CNTNAP2: variants seen among roughly 807,000 people sequenced by gnomAD.
CNTNAP2 encodes contactin-associated protein-like 2.
Under a neutral mutation model 155.2 loss-of-function variants are expected in CNTNAP2, and 98 were observed. The ratio of observed to expected loss-of-function variants is 0.63; its 90% CI spans 0.54 to 0.75. CNTNAP2 has a LOEUF of 0.75. Among genes scored for constraint, CNTNAP2 ranks in the 30% least tolerant of loss-of-function variants. The pLI, the probability that CNTNAP2 is intolerant of heterozygous loss-of-function variation, is 0.00. For synonymous variants in CNTNAP2, 651 were observed against 631.2 expected, an observed-to-expected ratio of 1.03 and a Z score of -0.47; for missense variants, 1,727 against 1,688.1, an observed-to-expected ratio of 1.02 and a Z score of -0.40.
At chr7:147,453,734 G>T (rs1797873296) in intron 10 of CNTNAP2, among the ~76,000 whole-genome samples, 1 of 152,038 alleles carries the variant, frequency 6.6e-6, no homozygotes, top group African/African-American at 2.4e-5. Flanking sequence ...AAACTCCCAT[G>T]ACACAAGTTT....
At chr7:147,369,884 G>C (rs1009198053) in intron 9 of CNTNAP2, among the ~76,000 whole-genome samples, 1 of 152,130 alleles carries the variant, frequency 6.6e-6, no homozygotes, top group Non-Finnish European at 1.5e-5. Context: ...AATTCATACT[G>C]TCTGTATGAA....
intron 1 of CNTNAP2, among the ~76,000 whole-genome samples, chr7:146,127,157 G>T (rs184868251): frequency 6.6e-6 from 1 of 152,020 alleles, no homozygotes; most frequent in African/African-American, 2.4e-5. Flanking sequence ...ATGCTGTTTC[G>T]AATCATATTT....
chr7:147,695,424 A>G (rs1321369337), intron 13 of CNTNAP2, among the ~76,000 whole-genome samples: 1 of 152,104 alleles, frequency 6.6e-6, no homozygotes, highest in Non-Finnish European at 1.5e-5. Flanking sequence ...TAATTTATGG[A>G]TGAAGGGTAT....
intron 12 of CNTNAP2, among the ~76,000 whole-genome samples, chr7:147,604,383 AAC>A (rs1563017970): frequency 1.3e-5 from 2 of 152,196 alleles, no homozygotes; most frequent in Admixed American, 1.3e-4. Flanking sequence ...ACAAGAAAAA[AAC>A]AGTCTATTGC....
intron 1 of CNTNAP2, among the ~76,000 whole-genome samples, chr7:146,447,911 G>A (rs1048255953): frequency 1.3e-5 from 2 of 151,756 alleles, no homozygotes; most frequent in Non-Finnish European, 2.9e-5. Flanking sequence ...TTGAATTTAC[G>A]TCATACGCAC....
intron 13 of CNTNAP2, among the ~76,000 whole-genome samples, chr7:147,805,456 A>G (rs924515824): frequency 3.3e-5 from 5 of 152,210 alleles, no homozygotes; most frequent in African/African-American, 1.2e-4. Flanking sequence ...GACTTTAAGT[A>G]CCATGTTGAA....
intron 1 of CNTNAP2, among the ~76,000 whole-genome samples, chr7:146,418,241 C>T (rs1194878661): frequency 6.6e-6 from 1 of 152,210 alleles, no homozygotes; most frequent in Non-Finnish European, 1.5e-5. Context: ...CTGGAGTTCT[C>T]TCTAGTTGCT....
At chr7:147,953,296 A>T (rs1053713910) in intron 14 of CNTNAP2, among the ~76,000 whole-genome samples, 2 of 152,200 alleles carry the variant, frequency 1.3e-5, no homozygotes, top group Non-Finnish European at 2.9e-5. Flanking sequence ...GAGTAGTGTG[A>T]ATGATTGAAT....
At chr7:147,834,193 G>A (rs148729594) in intron 13 of CNTNAP2, among the ~76,000 whole-genome samples, 3,740 of 152,196 alleles carry the variant, frequency 0.025, 105 homozygotes, top group South Asian at 0.13. Context: ...TGATTTGCTG[G>A]CAGAAGCTCC....
Position 146,232,307 on chromosome 7 carries a change from T to TAATA in CNTNAP2, c.97+115334_97+115335insAATA, listed in dbSNP as rs1554405374. On this transcript the variant is annotated intron_variant, in intron 1 of 23. Transcript: ENST00000361727. Reference sequence around the variant, plus strand: ...ATTTTATATATTAAATAATATATAATTTTAATTGACAGATAAATTGCATGT... The same window carrying TAATA: ...ATTTTATATATTAAATAATATATAATAATATTTAATTGACAGATAAATTGCATGT... Among the ~76,000 whole-genome samples, 408 of 150,636 alleles carry TAATA rather than the reference T, an allele frequency of 2.7e-3. 2 individuals are homozygous for TAATA. The highest frequency in any genetic ancestry group is 9.7e-3 in the African/African-American group (399 of 41,216).
In CNTNAP2 at chr7:147,544,078, A is replaced by G. The variant is rs560986322; in HGVS notation, c.1778-18060A>G. On this transcript the variant is annotated intron_variant, in intron 11 of 23. Transcript: ENST00000361727. ...TATAAGTGTTTCCAAACTGGAAGAA[A>G]ATACAGAAGACTACATGTACAAATG... Among the ~76,000 whole-genome samples the G allele has an allele frequency of 5.1e-4, 77 of 152,320 alleles. 1 individual carries two copies. In the South Asian group the frequency reaches 0.015, roughly 30 times the overall value.
intron 22 of CNTNAP2, among the ~76,000 whole-genome samples, chr7:148,395,113 C>A (rs1394011806): frequency 2.9e-4 from 41 of 141,038 alleles, no homozygotes; most frequent in African/African-American, 1.1e-3. Flanking sequence ...TTGAATGTTT[C>A]TGTTGACCCC....
rs1205260209 is a variant in CNTNAP2, at chr7:146,565,921, C to T, written c.98-208350C>T. 3.9e-5 allele frequency among the ~76,000 whole-genome samples: 6 copies of T among 152,216 alleles called. 1 individual carries two copies. The highest frequency in any genetic ancestry group is 1.4e-4 in the African/African-American group (6 of 41,446). The stretch of plus-strand genomic sequence containing the variant: ...GGTATATTTATCCCATTTCCTCACT[C>T]CTCCCTTCTTGTTATTTCAGTCTTC... On this transcript the variant is annotated intron_variant, in intron 1 of 23. Coordinates refer to ENST00000361727, the MANE Select transcript of CNTNAP2 (RefSeq NM_014141.6).
At chr7:147,051,841 A>T (rs1799480174) in intron 4 of CNTNAP2, among the ~76,000 whole-genome samples, 1 of 152,138 alleles carries the variant, frequency 6.6e-6, no homozygotes, top group South Asian at 2.1e-4. Flanking sequence ...ATCTGACCAT[A>T]TTACATCTGG....
chr7:148,386,744 G>C (rs1799218309), intron 22 of CNTNAP2, among the ~76,000 whole-genome samples: 1 of 152,092 alleles, frequency 6.6e-6, no homozygotes, highest in African/African-American at 2.4e-5. Flanking sequence ...CAGTACCTGG[G>C]GGCCTGCAAA....
intron 13 of CNTNAP2, among the ~76,000 whole-genome samples, chr7:147,678,851 C>T (rs1795907603): frequency 6.6e-6 from 1 of 151,776 alleles, no homozygotes; most frequent in Admixed American, 6.6e-5. Flanking sequence ...GTAAGTGAAT[C>T]TGAGGAAAAA....
At chr7:148,023,122 A>G (rs539287862) in intron 15 of CNTNAP2, among the ~76,000 whole-genome samples, 1 of 152,236 alleles carries the variant, frequency 6.6e-6, no homozygotes, top group South Asian at 2.1e-4. Flanking sequence ...TCTGAATTAA[A>G]CCGCAGCTCC....
At chr7:147,991,150 C>A (rs142879716) in intron 15 of CNTNAP2, among the ~76,000 whole-genome samples, 6 of 152,226 alleles carry the variant, frequency 3.9e-5, no homozygotes, top group African/African-American at 1.4e-4. Context: ...AAATTAATGA[C>A]CTGTTATGAG....
chr7:146,847,829 G>T (rs1463444026), intron 3 of CNTNAP2, among the ~76,000 whole-genome samples: 1 of 152,058 alleles, frequency 6.6e-6, no homozygotes. Context: ...TATGAATTGT[G>T]CCTGGAAAGT....
Sources: gnomAD v4.1 joint callset for allele counts (sites outside exome capture counted in the v4.1 genomes callset) on GRCh38, gnomAD v4.1.1 for gene constraint, MANE v1.5 for transcripts, NCBI Gene and HGNC (gene_info 2026-07-23, HGNC 2026-07-21) for gene names.